ZNF177: variants seen among roughly 807,000 people sequenced by gnomAD.
ZNF177 encodes zinc finger protein 177.
ZNF177 carries 17 observed loss-of-function variants against 19.4 expected under a neutral mutation model. The observed-to-expected ratio is 0.87, with a 90% CI of 0.60 to 1.31. ZNF177 has a LOEUF of 1.31. Among genes scored for constraint, ZNF177 ranks in the 40% most tolerant of loss-of-function variants. The probability of loss-of-function intolerance (pLI) is 0.00; values close to 1 mark genes in which losing one functional copy is unlikely to be tolerated. For missense variants in ZNF177, 633 were observed against 561.8 expected (o/e 1.13, Z -1.28); for synonymous variants, 220 against 188.7 (o/e 1.17, Z -1.36).
chr19:9,378,424 T>C, intron 2 of ZNF177, 80 bp downstream of exon 4: 1 of 1,586,628 alleles, frequency 6.3e-7, no homozygotes, highest in Non-Finnish European at 8.6e-7. Context: ...GACCTGAAGC[T>C]TCACAGCCCA....
exon 6 of ZNF177, chr19:9,381,806 T>C: frequency 6.4e-7 from 1 of 1,557,994 alleles, no homozygotes. Context: ...TTGTTGCCCC[T>C]CATGCCTCCT....
At chr19:9,378,774 G>A (rs1265625436) in intron 2 of ZNF177, among the ~76,000 whole-genome samples, 188 bp from the exon 5 acceptor site, 1 of 152,136 alleles carries the variant, frequency 6.6e-6, no homozygotes, top group Non-Finnish European at 1.5e-5. Context: ...GATGGCCCAG[G>A]GAGTAGGATT....
intron 2 of ZNF177, among the ~76,000 whole-genome samples, chr19:9,370,532 G>T (rs1331074313): frequency 2.6e-5 from 4 of 151,794 alleles, no homozygotes; most frequent in African/African-American, 9.7e-5. Context: ...TCCCACCTCA[G>T]CCTCCCTAGT....
chr19:9,367,526 AC>A (rs1286236433), intron 2 of ZNF177, among the ~76,000 whole-genome samples: 7 of 152,110 alleles, frequency 4.6e-5, no homozygotes. Context: ...GGTAAACCTA[AC>A]TTAATTCTGT....
chr19:9,381,604 G>A, exon 6 of ZNF177: 1 of 1,614,158 alleles, frequency 6.2e-7, no homozygotes, highest in Non-Finnish European at 8.5e-7. Context: ...GAAAACCTAT[G>A]AGTGTAAAGA....
chr19:9,373,779 T>C (rs1307818820), upstream of ZNF177, among the ~76,000 whole-genome samples: 3 of 152,198 alleles, frequency 2.0e-5, no homozygotes, highest in Non-Finnish European at 4.4e-5. Context: ...ACCCATTTTT[T>C]ATTCCATTTT....
upstream of ZNF177, among the ~76,000 whole-genome samples, chr19:9,371,970 A>C (rs1199808757): frequency 1.3e-5 from 2 of 152,198 alleles, no homozygotes; most frequent in Non-Finnish European, 2.9e-5. Flanking sequence ...AAATATATCT[A>C]AAAGGGTAAT....
At chr19:9,366,584 C>T (rs1433472337) in intron 2 of ZNF177, among the ~76,000 whole-genome samples, 1 of 152,108 alleles carries the variant, frequency 6.6e-6, no homozygotes, top group African/African-American at 2.4e-5. Flanking sequence ...AATGATAGTC[C>T]ATTGTATGGA....
chr19:9,365,417 G>T (rs1310950775), intron 2 of ZNF177, among the ~76,000 whole-genome samples: 2 of 151,820 alleles, frequency 1.3e-5, no homozygotes, highest in South Asian at 2.1e-4. Context: ...GGGACCGGGG[G>T]GTTCTTGCAC....
intron 2 of ZNF177, among the ~76,000 whole-genome samples, chr19:9,367,721 G>C (rs574796113): frequency 6.6e-6 from 1 of 152,186 alleles, no homozygotes; most frequent in South Asian, 2.1e-4. Flanking sequence ...TAATCCCTTT[G>C]ATAAGTTAAA....
At chr19:9,369,197 T>G (rs1176447828) in intron 2 of ZNF177, among the ~76,000 whole-genome samples, 1 of 152,130 alleles carries the variant, frequency 6.6e-6, no homozygotes, top group Non-Finnish European at 1.5e-5. Context: ...TGTTCAAATC[T>G]TCATATCCTT....
At chr19:9,370,419 GT>G (rs61588085) in intron 2 of ZNF177, among the ~76,000 whole-genome samples, 12 of 139,032 alleles carry the variant, frequency 8.6e-5, no homozygotes, top group Non-Finnish European at 1.4e-4. Flanking sequence ...TTTTTTTTTT[GT>G]TTTTTTTTTA....
chr19:9,375,388 C>T (rs2068096866), upstream of ZNF177, among the ~76,000 whole-genome samples: 1 of 152,006 alleles, frequency 6.6e-6, no homozygotes, highest in Non-Finnish European at 1.5e-5. Flanking sequence ...GGCTCCTTTT[C>T]CATTTTTTTG....
At chr19:9,379,738 C>T (rs1250205156) in intron 4 of ZNF177, 119 bp downstream of exon 6, 2 of 1,233,206 alleles carry the variant, frequency 1.6e-6, no homozygotes, top group African/African-American at 3.1e-5. Flanking sequence ...TCCTGTTTCA[C>T]CATCTATTCA....
chr19:9,379,267 T>C, intron 3 of ZNF177, 179 bp downstream of exon 5: 1 of 1,181,410 alleles, frequency 8.5e-7, no homozygotes, highest in Non-Finnish European at 1.1e-6. Flanking sequence ...TCATTTTCTC[T>C]ATCACTAATA....
chr19:9,380,069 A>G (rs777452468), exon 5 of ZNF177: 1 of 1,610,664 alleles, frequency 6.2e-7, no homozygotes, highest in East Asian at 2.2e-5. Context: ...TGGGAAACTC[A>G]ACTTAAACCA....
intron 1 of ZNF177, among the ~76,000 whole-genome samples, chr19:9,376,627 T>C (rs139366700): frequency 9.2e-5 from 14 of 152,356 alleles, no homozygotes; most frequent in African/African-American, 3.1e-4. Context: ...TTTAATAGTC[T>C]GTTTTAAGCT....
chr19:9,365,379 C>G (rs1183021594), intron 2 of ZNF177, among the ~76,000 whole-genome samples: 2 of 151,428 alleles, frequency 1.3e-5, no homozygotes, highest in African/African-American at 4.9e-5. Flanking sequence ...TCCAGAAAAG[C>G]AGAGAAGGGG....
upstream of ZNF177, chr19:9,371,653 A>G (rs2068048830): frequency 6.6e-6 from 1 of 152,170 alleles, no homozygotes; most frequent in African/African-American, 2.4e-5. Flanking sequence ...ATTATGGGAA[A>G]AAATCAAATA....
Sources: gnomAD v4.1 joint callset for allele counts (sites outside exome capture counted in the v4.1 genomes callset) on GRCh38, gnomAD v4.1.1 for gene constraint, MANE v1.5 for transcripts, NCBI Gene and HGNC (gene_info 2026-07-23, HGNC 2026-07-21) for gene names.